Variants in ZNF438 observed in about 807,000 individuals in gnomAD.
ZNF438 encodes the protein zinc finger protein 438.
In ZNF438, 25 loss-of-function variants were observed where a neutral mutation model predicts 38.0. That is an observed-to-expected ratio of 0.66 (90% CI 0.48 to 0.92). The LOEUF (loss-of-function observed/expected upper bound fraction) is 0.92. Ranked by LOEUF, ZNF438 falls within the 40% of genes least tolerant of loss-of-function variation. ZNF438 has a pLI of 0.00. For synonymous variants in ZNF438, 372 were observed against 364.1 expected (o/e 1.02, Z -0.25); for missense variants, 1,007 against 999.6 (o/e 1.01, Z -0.10).
chr10:31,031,519 A>G (rs1418562543), intron 1 of ZNF438, among the ~76,000 whole-genome samples: 1 of 152,142 alleles, frequency 6.6e-6, no homozygotes, highest in East Asian at 1.9e-4. Flanking sequence ...TCCCTTTATC[A>G]CGGAAGAAAA....
chr10:30,860,826 TA>T (rs2035453001), intron 4 of ZNF438, among the ~76,000 whole-genome samples: 1 of 152,342 alleles, frequency 6.6e-6, no homozygotes, highest in Non-Finnish European at 1.5e-5. Context: ...CTGTTGGTCT[TA>T]AACCTAGCAG....
At chr10:30,983,044 A>G (rs2052385760) in intron 1 of ZNF438, among the ~76,000 whole-genome samples, 1 of 152,196 alleles carries the variant, frequency 6.6e-6, no homozygotes, top group South Asian at 2.1e-4. Context: ...ACTGAGTCAC[A>G]TTATTGGACT....
chr10:31,025,573 T>C (rs1180569947), intron 1 of ZNF438, among the ~76,000 whole-genome samples: 2 of 152,220 alleles, frequency 1.3e-5, no homozygotes, highest in African/African-American at 2.4e-5. Flanking sequence ...CCCTGTAGAA[T>C]AGTAACAACT....
chr10:30,873,351 G>C (rs2037806824), intron 4 of ZNF438, among the ~76,000 whole-genome samples: 1 of 152,190 alleles, frequency 6.6e-6, no homozygotes, highest in South Asian at 2.1e-4. Context: ...TATCGTTAGA[G>C]TGACAGTACA....
In ZNF438 at chr10:31,031,348, G is replaced by A. The variant is rs1363999014; in HGVS notation, c.-192+485C>T. On this transcript the variant is annotated intron_variant, in intron 1 of 5. Transcript: ENST00000413025. ...CCTTTTACACAAAAAAGAAAACTGA[G>A]GCAGCAACTGGTTATCTTATAAATG... Among the ~76,000 whole-genome samples the A allele has an allele frequency of 2.0e-5, 3 of 152,200 alleles. No homozygotes were observed. The East Asian group carries it at 5.8e-4, about 29-fold the overall frequency.
intron 1 of ZNF438, among the ~76,000 whole-genome samples, chr10:30,943,859 A>AAAACAAACAAAC (rs10522911): frequency 4.0e-5 from 6 of 150,720 alleles, no homozygotes; most frequent in South Asian, 4.2e-4. Context: ...TTGAGATGGT[A>AAAACAAACAAAC]AAACAAACAA....
chr10:30,943,902 C>T (rs1197597208), intron 1 of ZNF438, among the ~76,000 whole-genome samples: 1 of 151,728 alleles, frequency 6.6e-6, no homozygotes, highest in African/African-American at 2.4e-5. Context: ...AAATTGCGGC[C>T]TTTGAATGCC....
intron 5 of ZNF438, among the ~76,000 whole-genome samples, chr10:30,848,144 T>G (rs1299229189): frequency 6.6e-6 from 1 of 152,032 alleles, no homozygotes; most frequent in Non-Finnish European, 1.5e-5. Context: ...GAGGGTGGGG[T>G]CTGGGCACCT....
Position 30,877,149 on chromosome 10 carries a change from G to GT in ZNF438, c.-31-85dup, listed in dbSNP as rs2038555791. 8 of 689,668 alleles carry GT rather than the reference G, an allele frequency of 1.2e-5. No homozygotes were observed. The East Asian group carries it at 2.3e-4, about 20-fold the overall frequency. The allele number at this position is 689,668 out of a possible 1,614,324, so 42.7% of individuals were successfully genotyped here. A position where few individuals can be genotyped will look rare whatever the true frequency, so the allele number is the denominator to read the frequency against. On this transcript the variant is annotated intron_variant, in intron 3 of 5. Transcript: ENST00000413025. ...ATACTAAATATAGAAATTCTAAGCT[G>GT]TTTTTTAAAGTTTGTTTTATAACTA...
intron 3 of ZNF438, among the ~76,000 whole-genome samples, chr10:30,890,170 C>T (rs1021982140): frequency 1.3e-5 from 2 of 151,092 alleles, no homozygotes; most frequent in African/African-American, 4.9e-5. Context: ...ATTGTATGAT[C>T]TAATCATTGA....
chr10:30,931,544 C>T (rs755477504), intron 2 of ZNF438, among the ~76,000 whole-genome samples: 10 of 152,232 alleles, frequency 6.6e-5, no homozygotes, highest in South Asian at 6.2e-4. Context: ...CCAATAAAAT[C>T]GCAAATCAGA....
rs78040534 is a variant in ZNF438 at position 30,905,265 on chromosome 10, A to T, written c.-32+3668T>A. On this transcript the variant is annotated intron_variant, in intron 3 of 5. Transcript: ENST00000413025. ...ATGTATAGGGTTTCCAATGTCAACA[A>T]ATCCTCACTAATACTTGTTTTTGTC... Among the ~76,000 whole-genome samples, 346 of 152,334 alleles carry T rather than the reference A, an allele frequency of 2.3e-3. 2 individuals carry two copies. Among genetic ancestry groups the T allele is most frequent in the African/African-American group, 7.4e-3 (307 of 41,574 alleles).
chr10:30,952,030 A>T (rs1208983953), intron 1 of ZNF438, among the ~76,000 whole-genome samples: 5 of 150,012 alleles, frequency 3.3e-5, no homozygotes, highest in Non-Finnish European at 7.5e-5. Flanking sequence ...CCAAAACAGC[A>T]TGGTACTGGT....
intron 3 of ZNF438, among the ~76,000 whole-genome samples, chr10:30,901,812 C>G (rs1297784982): frequency 1.3e-5 from 2 of 152,098 alleles, no homozygotes; most frequent in Non-Finnish European, 2.9e-5. Flanking sequence ...TTCTTAAAGG[C>G]GGTGTGTCTG....
chr10:31,032,011 AGCAGACACCCCGCGCAGGC>A (rs1040772138), upstream of ZNF438: 1 of 151,880 alleles, frequency 6.6e-6, no homozygotes, highest in Non-Finnish European at 1.5e-5. Context: ...ACCTCCCCGT[AGCAGACACCCCGCGCAGGC>A]GCAGACGGCC....
At chr10:30,848,891 G>A in exon 5 of ZNF438, 1 of 1,614,218 alleles carries the variant, frequency 6.2e-7, no homozygotes, top group South Asian at 1.1e-5. Context: ...TCTGTGCCAA[G>A]GCTTCTTAAT....
intron 1 of ZNF438, among the ~76,000 whole-genome samples, chr10:30,949,555 G>C (rs980060034): frequency 1.3e-5 from 2 of 152,146 alleles, no homozygotes; most frequent in African/African-American, 4.8e-5. Flanking sequence ...GATGGAGGAA[G>C]ATCTACCAAG....
chr10:30,940,746 A>C (rs77091906), intron 2 of ZNF438, among the ~76,000 whole-genome samples: 2,782 of 152,314 alleles, frequency 0.018, 77 homozygotes, highest in African/African-American at 0.063. Context: ...ATGAATACAG[A>C]AAGATTATTA....
At chr10:30,917,575 T>TA (rs1401823362) in intron 2 of ZNF438, among the ~76,000 whole-genome samples, 1 of 152,198 alleles carries the variant, frequency 6.6e-6, no homozygotes, top group African/African-American at 2.4e-5. Context: ...ACATGCTTAC[T>TA]AATCATTTGA....
Sources: gnomAD v4.1 joint callset for allele counts (sites outside exome capture counted in the v4.1 genomes callset) on GRCh38, gnomAD v4.1.1 for gene constraint, MANE v1.5 for transcripts, NCBI Gene and HGNC (gene_info 2026-07-23, HGNC 2026-07-21) for gene names.